Variants in FHOD3 observed in about 807,000 individuals in gnomAD.
FHOD3 encodes FH1/FH2 domain-containing protein 3.
FHOD3 carries 90 observed loss-of-function variants against 173.0 expected under a neutral mutation model. The ratio of observed to expected loss-of-function variants is 0.52; its 90% CI spans 0.44 to 0.62. The LOEUF (loss-of-function observed/expected upper bound fraction) is 0.62, where lower values mean the gene tolerates loss of function less well. FHOD3 is among the 20% of genes least tolerant of loss of function. FHOD3 has a pLI of 0.00. For missense variants in FHOD3, 1,945 were observed against 2,034.7 expected (o/e 0.96, Z 0.85); for synonymous variants, 828 against 823.0 (o/e 1.01, Z -0.10).
intron 15 of FHOD3, among the ~76,000 whole-genome samples, chr18:36,686,892 T>C (rs905739094): frequency 5.9e-5 from 9 of 152,208 alleles, no homozygotes; most frequent in African/African-American, 2.4e-5. Flanking sequence ...TGTTTCTGGG[T>C]GAATCCAATA....
At chr18:36,541,303 G>T (rs959878267) in intron 5 of FHOD3, among the ~76,000 whole-genome samples, 3 of 151,540 alleles carry the variant, frequency 2.0e-5, no homozygotes, top group Non-Finnish European at 4.4e-5. Flanking sequence ...TGTTGGCAGG[G>T]CGTGGTGCCT....
At position 36,717,832 on chromosome 18, in the gene FHOD3, G is replaced by A. The variant is rs1341052819; in HGVS notation, c.2534G>A (p.Gly845Asp). ...EDKLSRDRTT[G>D]LWPAGVQDAG... ...ATTTTTCTCTCCCATGTACTTTCAG[G>A]TTTGTGGCCCGCAGGTGTCCAGGAT... Residue 845 changes from glycine (G) to aspartate (D), a missense_variant and splice_region_variant, in exon 19 of 29, where the codon GGT becomes GAT. Coordinates refer to ENST00000590592, the MANE Select transcript of FHOD3 (RefSeq NM_001281740.3). 1 of 1,562,390 alleles carries A rather than the reference G, an allele frequency of 6.4e-7. No individual in the cohort carries two copies. The highest frequency in any genetic ancestry group is 1.9e-5 in the Admixed American group (1 of 53,470).
intron 20 of FHOD3, among the ~76,000 whole-genome samples, chr18:36,739,018 A>T (rs1191369082): frequency 6.6e-6 from 1 of 152,138 alleles, no homozygotes; most frequent in African/African-American, 2.4e-5. Context: ...TCTGGTTCAG[A>T]TGGGATAAAG....
intron 3 of FHOD3, among the ~76,000 whole-genome samples, chr18:36,466,662 C>G (rs540263173): frequency 2.0e-5 from 3 of 152,212 alleles, no homozygotes; most frequent in African/African-American, 7.2e-5. Context: ...TTAGCTGCAC[C>G]TCATGGGTGG....
chr18:36,586,406 A>G (rs1048972977), intron 6 of FHOD3, among the ~76,000 whole-genome samples: 1 of 152,172 alleles, frequency 6.6e-6, no homozygotes, highest in South Asian at 2.1e-4. Flanking sequence ...TTCTGCATAT[A>G]CTATCAAGAT....
chr18:36,627,625 G>GCAAAGTATACAAAATATA (rs1314029781), intron 10 of FHOD3, among the ~76,000 whole-genome samples: 1 of 151,610 alleles, frequency 6.6e-6, no homozygotes, highest in Admixed American at 6.6e-5. Flanking sequence ...ATACTTTGCA[G>GCAAAGTATACAAAATATA]CTTGTAAAGA....
Position 36,555,386 on chromosome 18 carries a change from T to TAA in FHOD3, c.512-21055_512-21054dup, listed in dbSNP as rs1325651086. Reference sequence around the variant, plus strand: ...ACTTGATTCCTTAATTCCATTGTGGTAAAAAAAAAAACAAAAAACATGCTT... The same window carrying TAA: ...ACTTGATTCCTTAATTCCATTGTGGTAAAAAAAAAAAAACAAAAAACATGCTT... On this transcript the variant is annotated intron_variant, in intron 5 of 28. Coordinates refer to ENST00000590592, the MANE Select transcript of FHOD3 (RefSeq NM_001281740.3). 1.0e-2 allele frequency among the ~76,000 whole-genome samples: 1,428 copies of TAA among 143,306 alleles called. 20 individuals carry two copies. The highest frequency in any genetic ancestry group is 0.033 in the African/African-American group (1,299 of 39,396). 94.0% of individuals were successfully genotyped at this position (143,306 alleles called of 152,430 possible).
chr18:36,758,803 G>A (rs1036695315), intron 25 of FHOD3, among the ~76,000 whole-genome samples: 1 of 152,212 alleles, frequency 6.6e-6, no homozygotes, highest in African/African-American at 2.4e-5. Flanking sequence ...GCACAGCTGC[G>A]AGTGACGTTG....
At chr18:36,587,550 G>T (rs2059077510) in intron 6 of FHOD3, among the ~76,000 whole-genome samples, 1 of 152,176 alleles carries the variant, frequency 6.6e-6, no homozygotes, top group African/African-American at 2.4e-5. Flanking sequence ...CTAGCACTTT[G>T]GGAGGTTGAG....
At chr18:36,440,699 G>GA (rs1028854855) in intron 3 of FHOD3, among the ~76,000 whole-genome samples, 2 of 152,206 alleles carry the variant, frequency 1.3e-5, no homozygotes, top group African/African-American at 4.8e-5. Context: ...CTTTATGGTA[G>GA]AAAAAACCCA....
At chr18:36,423,154 A>G (rs1382994052) in intron 3 of FHOD3, among the ~76,000 whole-genome samples, 2 of 151,686 alleles carry the variant, frequency 1.3e-5, no homozygotes, top group Non-Finnish European at 2.9e-5. Flanking sequence ...TCATTCTGCT[A>G]TGCTATGCTA....
chr18:36,591,021 C>G (rs1048335505), intron 6 of FHOD3, among the ~76,000 whole-genome samples: 2 of 152,164 alleles, frequency 1.3e-5, no homozygotes, highest in African/African-American at 4.8e-5. Flanking sequence ...GAGGCTTAAA[C>G]CACATAATAA....
rs143407724 is a variant in FHOD3 at position 36,611,445 on chromosome 18, A to G, written c.814-507A>G. 2.8e-4 allele frequency among the ~76,000 whole-genome samples: 43 copies of G among 152,166 alleles called. 1 individual carries two copies. Among genetic ancestry groups the G allele is most frequent in the East Asian group, 1.7e-3 (9 of 5,164 alleles). Reference sequence around the variant, plus strand: ...AGACTTGGGGTCCTCTTCCAGGCCTATGTAGTTGGCAGAATTCATTTCCTT... The same window carrying G: ...AGACTTGGGGTCCTCTTCCAGGCCTGTGTAGTTGGCAGAATTCATTTCCTT... On this transcript the variant is annotated intron_variant, in intron 8 of 28. Transcript: ENST00000590592.
intron 1 of FHOD3, among the ~76,000 whole-genome samples, chr18:36,324,278 C>A (rs1052686458): frequency 1.3e-5 from 2 of 152,092 alleles, no homozygotes; most frequent in Non-Finnish European, 2.9e-5. Context: ...AATAAAGCCC[C>A]TAGGAGATAA....
intron 28 of FHOD3, among the ~76,000 whole-genome samples, chr18:36,773,595 C>T (rs982147093): frequency 7.9e-5 from 12 of 152,162 alleles, no homozygotes; most frequent in African/African-American, 2.2e-4. Context: ...CTTCCTGGGA[C>T]GGTTGTGGGG....
intron 9 of FHOD3, among the ~76,000 whole-genome samples, chr18:36,616,552 T>A (rs1453581287): frequency 6.6e-6 from 1 of 152,226 alleles, no homozygotes; most frequent in Non-Finnish European, 1.5e-5. Context: ...GAATTACATG[T>A]GCCTAATATT....
intron 3 of FHOD3, among the ~76,000 whole-genome samples, chr18:36,423,607 G>T (rs1029568734): frequency 6.6e-6 from 1 of 152,164 alleles, no homozygotes; most frequent in African/African-American, 2.4e-5. Flanking sequence ...GTACCTGGAG[G>T]CTCCATAGAG....
In FHOD3 at chr18:36,549,401, T is replaced by G. The variant is rs147708491; in HGVS notation, c.512-27050T>G. On this transcript the variant is annotated intron_variant, in intron 5 of 28. Coordinates refer to ENST00000590592, the MANE Select transcript of FHOD3 (RefSeq NM_001281740.3). Reference sequence around the variant, plus strand: ...CAAATATTTCCCCCAGTCTGTAGCTTATTTTTTCATTCTCTTAGCAGGGTT... The same window carrying G: ...CAAATATTTCCCCCAGTCTGTAGCTGATTTTTTCATTCTCTTAGCAGGGTT... Among the ~76,000 whole-genome samples the G allele has an allele frequency of 7.2e-3, 1,097 of 152,270 alleles. 8 individuals carry two copies. Among genetic ancestry groups the G allele is most frequent in the African/African-American group, 0.025 (1,037 of 41,566 alleles).
At chr18:36,707,807 C>T (rs1163578449) in intron 17 of FHOD3, among the ~76,000 whole-genome samples, 1 of 152,098 alleles carries the variant, frequency 6.6e-6, no homozygotes, top group Non-Finnish European at 1.5e-5. Context: ...TGGGCAGGTC[C>T]CTTCCAGCCC....
Sources: gnomAD v4.1 joint callset for allele counts (sites outside exome capture counted in the v4.1 genomes callset) on GRCh38, gnomAD v4.1.1 for gene constraint, MANE v1.5 for transcripts, NCBI Gene and HGNC (gene_info 2026-07-23, HGNC 2026-07-21) for gene names.